Variants in MGAT4D observed in about 807,000 individuals in gnomAD.
The protein encoded by MGAT4D is alpha-1,3-mannosyl-glycoprotein 4-beta-N-acetylglucosaminyltransferase-like protein MGAT4D.
In MGAT4D, 34 loss-of-function variants were observed where a neutral mutation model predicts 15.9. The ratio of observed to expected loss-of-function variants is 2.14; its 90% confidence interval spans 1.62 to 2.84. The LOEUF is 2.84. Among genes scored for constraint, MGAT4D ranks in the 30% most tolerant of loss-of-function variants. The pLI is 0.00. For missense variants in MGAT4D, 327 were observed against 140.2 expected (o/e 2.33, Z -6.73); for synonymous variants, 112 against 48.2 (o/e 2.33, Z -5.49).
chr4:140,464,776 C>T, intron 6 of MGAT4D, 120 bp downstream of exon 6: 2 of 613,640 alleles, frequency 3.3e-6, no homozygotes, highest in Admixed American at 5.3e-5. Context: ...GTCTTGCAAC[C>T]CAGTAGAAGC....
Position 140,451,618 on chromosome 4 carries a change from T to C in MGAT4D, c.1009-101A>G, listed in dbSNP as rs527319538. The C allele has an allele frequency of 7.6e-6, 3 of 396,650 alleles. No individual in the cohort carries two copies. In the South Asian group the frequency reaches 3.1e-4, roughly 40 times the overall value. 24.6% of individuals were successfully genotyped at this position (396,650 alleles called of 1,614,324 possible). ...TTTATATATTAGTTTTTGCTAGAGT[T>C]CTATTTTCATATTTAAAAATATAAA... On this transcript the variant is annotated intron_variant, in intron 9 of 10. Transcript: ENST00000511113.
At chr4:140,461,369 T>C (rs1156452634) in intron 7 of MGAT4D, among the ~76,000 whole-genome samples, 1 of 152,216 alleles carries the variant, frequency 6.6e-6, no homozygotes, top group African/African-American at 2.4e-5. Flanking sequence ...ATTGTCTATG[T>C]AGTGTGGTCC....
chr4:140,457,751 G>A (rs879657613), intron 8 of MGAT4D: 3 of 152,160 alleles, frequency 2.0e-5, no homozygotes, highest in Non-Finnish European at 2.9e-5. Context: ...TGACTTTGCT[G>A]AGAAAGATAA....
intron 6 of MGAT4D, among the ~76,000 whole-genome samples, chr4:140,463,103 C>G (rs1386891995): frequency 6.6e-6 from 1 of 152,094 alleles, no homozygotes; most frequent in Non-Finnish European, 1.5e-5. Context: ...TTAGCCTTAC[C>G]TAGAGCTGAA....
At chr4:140,467,163 C>T (rs1431346) in intron 5 of MGAT4D, among the ~76,000 whole-genome samples, 18,330 of 151,616 alleles carry the variant, frequency 0.12, 1,194 homozygotes, top group Admixed American at 0.2. Context: ...TTACTGGCTG[C>T]CCTCTGATTT....
At chr4:140,479,349 C>T (rs921245275) in intron 3 of MGAT4D, 141 bp downstream of exon 3, 12 of 353,208 alleles carry the variant, frequency 3.4e-5, no homozygotes, top group Admixed American at 2.8e-4. Flanking sequence ...ATACTGACTT[C>T]CAGTAATCCA....
intron 1 of MGAT4D, among the ~76,000 whole-genome samples, chr4:140,496,424 C>T (rs1452470321): frequency 6.6e-6 from 1 of 152,168 alleles, no homozygotes; most frequent in East Asian, 1.9e-4. Context: ...AGGAATCGAA[C>T]TTCTTTTTCC....
chr4:140,446,153 G>A (rs943754210), intron 10 of MGAT4D, among the ~76,000 whole-genome samples: 1 of 152,112 alleles, frequency 6.6e-6, no homozygotes, highest in Non-Finnish European at 1.5e-5. Context: ...TCTCTGCCAG[G>A]TTTTGGTATC....
intron 2 of MGAT4D, among the ~76,000 whole-genome samples, chr4:140,480,899 G>A (rs1485206192): frequency 2.0e-5 from 3 of 150,854 alleles, no homozygotes; most frequent in Non-Finnish European, 4.4e-5. Flanking sequence ...TTGTGCCATT[G>A]CATTCCCCGT....
At chr4:140,481,607 C>T (rs946572572) in intron 2 of MGAT4D, among the ~76,000 whole-genome samples, 2 of 152,110 alleles carry the variant, frequency 1.3e-5, no homozygotes, top group Non-Finnish European at 2.9e-5. Flanking sequence ...CATTGAACAT[C>T]GATACAACGA....
chr4:140,477,656 T>C (rs1047380929), intron 3 of MGAT4D, among the ~76,000 whole-genome samples: 1 of 152,236 alleles, frequency 6.6e-6, no homozygotes, highest in African/African-American at 2.4e-5. Flanking sequence ...AGGAGAGGCA[T>C]GGCAGAGACT....
chr4:140,454,668 C>T (rs6832929), intron 9 of MGAT4D, among the ~76,000 whole-genome samples: 29,395 of 151,972 alleles, frequency 0.19, 2,911 homozygotes, highest in South Asian at 0.28. Context: ...GTATTATATA[C>T]AATTGTTATT....
chr4:140,480,034 T>A (rs1264257194), intron 2 of MGAT4D, among the ~76,000 whole-genome samples: 1 of 152,158 alleles, frequency 6.6e-6, no homozygotes, highest in Non-Finnish European at 1.5e-5. Flanking sequence ...TCATTAGAAG[T>A]TGCCTCTACA....
Position 140,443,380 on chromosome 4 carries a change from T to A in MGAT4D, c.*56A>T. The A allele has an allele frequency of 2.0e-6, 1 of 493,218 alleles. No individual in the cohort carries two copies. Among genetic ancestry groups the A allele is most frequent in the Non-Finnish European group, 3.6e-6 (1 of 278,846 alleles). 30.6% of individuals were successfully genotyped at this position (493,218 alleles called of 1,614,324 possible). A position where few individuals can be genotyped will look rare whatever the true frequency, so the allele number is the denominator to read the frequency against. ...TACTACAATTTCTGAAACATGCCATTAGATATCAAGGTTATCTGAGGTTCC... is the reference window on the plus strand; with the variant it reads ...TACTACAATTTCTGAAACATGCCATAAGATATCAAGGTTATCTGAGGTTCC... On this transcript the variant is annotated 3_prime_UTR_variant, in exon 11 of 11. Coordinates refer to ENST00000511113, the MANE Select transcript of MGAT4D (RefSeq NM_001277353.2).
Position 140,479,646 on chromosome 4 carries a change from G to A in MGAT4D, c.254-19C>T. ...TGTGCAACTGAAAGAAAAAAATAAT[G>A]CTTCTGAGTATATGATCATAGGGAT... On this transcript the variant is annotated intron_variant, in intron 2 of 10. Transcript: ENST00000511113. 1 of 430,430 alleles carries A rather than the reference G, an allele frequency of 2.3e-6. No homozygotes were observed. The highest frequency in any genetic ancestry group is 5.6e-5 in the South Asian group (1 of 17,840). The allele number at this position is 430,430 out of a possible 1,614,324, so 26.7% of individuals were successfully genotyped here.
At chr4:140,465,893 G>A (rs921695301) in intron 5 of MGAT4D, among the ~76,000 whole-genome samples, 10 of 152,136 alleles carry the variant, frequency 6.6e-5, no homozygotes, top group African/African-American at 2.4e-4. Context: ...ATGATATATT[G>A]TGAACAATTG....
intron 2 of MGAT4D, among the ~76,000 whole-genome samples, chr4:140,481,179 A>C (rs1295467396): frequency 5.3e-5 from 8 of 151,092 alleles, no homozygotes; most frequent in Non-Finnish European, 7.4e-5. Context: ...GTAGCACATG[A>C]CTGTAGTCCC....
intron 9 of MGAT4D, among the ~76,000 whole-genome samples, chr4:140,455,462 G>T (rs918346773): frequency 6.6e-6 from 1 of 152,138 alleles, no homozygotes; most frequent in Admixed American, 6.5e-5. Flanking sequence ...AATTTGTTAA[G>T]CTTTGTTTTA....
intron 5 of MGAT4D, among the ~76,000 whole-genome samples, chr4:140,468,125 ATT>A (rs1731671297): frequency 1.0e-5 from 1 of 98,886 alleles, no homozygotes. Context: ...AATATTCACT[ATT>A]ATATTATTCA....
Sources: gnomAD v4.1 joint callset for allele counts (sites outside exome capture counted in the v4.1 genomes callset) on GRCh38, gnomAD v4.1.1 for gene constraint, MANE v1.5 for transcripts, NCBI Gene and HGNC (gene_info 2026-07-23, HGNC 2026-07-21) for gene names.